Variants in DISP1 observed in about 807,000 individuals in gnomAD.
The protein encoded by DISP1 is protein dispatched homolog 1.
Under a neutral mutation model 37.3 loss-of-function variants are expected in DISP1, and 30 were observed. The observed-to-expected ratio is 0.80, with a 90% CI of 0.60 to 1.09. DISP1 has a LOEUF of 1.09. Ranked by LOEUF, DISP1 falls within the 50% of genes least tolerant of loss-of-function variation. The probability of loss-of-function intolerance (pLI) is 0.00; values close to 1 mark genes in which losing one functional copy is unlikely to be tolerated. For synonymous variants in DISP1, 634 were observed against 690.2 expected, an observed-to-expected ratio of 0.92 and a Z score of 1.28; for missense variants, 1,598 against 1,879.5, an observed-to-expected ratio of 0.85 and a Z score of 2.77.
At chr1:222,963,864 C>G (rs113674423) in intron 3 of DISP1, among the ~76,000 whole-genome samples, 2,447 of 152,028 alleles carry the variant, frequency 0.016, 78 homozygotes, top group African/African-American at 0.055. Context: ...GCACATTCTG[C>G]ACATGTATCC....
chr1:222,897,189 T>C (rs1671311426), intron 1 of DISP1, among the ~76,000 whole-genome samples: 1 of 152,216 alleles, frequency 6.6e-6, no homozygotes, highest in African/African-American at 2.4e-5. Flanking sequence ...GGATGAATCT[T>C]ATAGATATCT....
intron 3 of DISP1, among the ~76,000 whole-genome samples, chr1:222,981,145 A>T (rs1394836656): frequency 6.6e-6 from 1 of 152,274 alleles, no homozygotes; most frequent in Non-Finnish European, 1.5e-5. Flanking sequence ...CACATCTGCC[A>T]AAAGAAAAGA....
chr1:222,918,956 T>C (rs1387737156), intron 1 of DISP1, among the ~76,000 whole-genome samples: 29 of 152,208 alleles, frequency 1.9e-4, no homozygotes, highest in Non-Finnish European at 2.9e-5. Flanking sequence ...GAGGGTATGC[T>C]TGTGTTTTTA....
Position 223,005,867 on chromosome 1 carries a change from G to C in DISP1, c.4470G>C (p.Lys1490Asn). Residue 1490 changes from lysine (K) to asparagine (N), a missense_variant, in exon 9 of 9, where the codon AAG becomes AAC. Transcript: ENST00000675850. ...GTTGTGGCAGAATTGTGAGAGTGAA[G>C]TGCAATTCTGTGGACTGTCAAATGC... The part of the protein sequence containing the change: ...SQSCGRIVRV[K>N]CNSVDCQMPN... 6.2e-7 allele frequency: 1 copy of C among 1,614,206 alleles called. No homozygotes were observed. The highest frequency in any genetic ancestry group is 8.5e-7 in the Non-Finnish European group (1 of 1,180,042).
At chr1:222,933,224 T>C (rs1209767980) in intron 2 of DISP1, among the ~76,000 whole-genome samples, 1 of 151,950 alleles carries the variant, frequency 6.6e-6, no homozygotes, top group Non-Finnish European at 1.5e-5. Context: ...ATCTGGAAAC[T>C]TTAATTTTTC....
chr1:222,830,195 A>C (rs1450788814), intron 1 of DISP1, among the ~76,000 whole-genome samples: 1 of 152,194 alleles, frequency 6.6e-6, no homozygotes, highest in Non-Finnish European at 1.5e-5. Flanking sequence ...ACATAACTTG[A>C]CCATGAAATC....
intron 1 of DISP1, among the ~76,000 whole-genome samples, chr1:222,857,267 T>C (rs766817269): frequency 1.3e-5 from 2 of 151,132 alleles, no homozygotes; most frequent in Non-Finnish European, 2.9e-5. Context: ...ACTACATATC[T>C]AAAAAAAAGA....
At chr1:222,879,946 TTA>T (rs1211979250) in intron 1 of DISP1, among the ~76,000 whole-genome samples, 1 of 152,048 alleles carries the variant, frequency 6.6e-6, no homozygotes, top group Non-Finnish European at 1.5e-5. Flanking sequence ...AGAAAAAACT[TTA>T]TGTTTGAAAA....
At chr1:222,952,797 A>G (rs1191743278) in intron 3 of DISP1, among the ~76,000 whole-genome samples, 3 of 152,182 alleles carry the variant, frequency 2.0e-5, no homozygotes, top group Admixed American at 2.0e-4. Flanking sequence ...CAGTGAGCCG[A>G]GATCGCGCCA....
chr1:222,902,624 T>C (rs1671660672), intron 1 of DISP1, among the ~76,000 whole-genome samples: 2 of 151,736 alleles, frequency 1.3e-5, no homozygotes, highest in African/African-American at 4.8e-5. Context: ...AACAACCCCA[T>C]AAAAAAGTGG....
At chr1:222,973,786 C>T (rs1677121671) in intron 3 of DISP1, among the ~76,000 whole-genome samples, 1 of 152,202 alleles carries the variant, frequency 6.6e-6, no homozygotes, top group Non-Finnish European at 1.5e-5. Flanking sequence ...ACAAGCAATA[C>T]CTCATAGCCT....
intron 8 of DISP1, among the ~76,000 whole-genome samples, chr1:222,997,340 G>C (rs112708881): frequency 0.027 from 4,053 of 152,220 alleles, 95 homozygotes; most frequent in South Asian, 0.11. Context: ...AGTAACAAAA[G>C]TCATATAAAT....
intron 1 of DISP1, among the ~76,000 whole-genome samples, chr1:222,875,949 T>C (rs549908658): frequency 6.6e-6 from 1 of 151,026 alleles, no homozygotes; most frequent in Non-Finnish European, 1.5e-5. Context: ...TATTTTAAGA[T>C]ATGTACCTGA....
intron 1 of DISP1, among the ~76,000 whole-genome samples, chr1:222,825,353 C>A (rs1458347666): frequency 6.6e-6 from 1 of 151,866 alleles, no homozygotes; most frequent in South Asian, 2.1e-4. Context: ...ATGTTGTATA[C>A]CATAAATATA....
intron 8 of DISP1, among the ~76,000 whole-genome samples, chr1:223,001,720 C>A (rs991517777): frequency 6.6e-6 from 1 of 152,176 alleles, no homozygotes; most frequent in African/African-American, 2.4e-5. Flanking sequence ...AAAAGCACTA[C>A]TCCCATTCAT....
At chr1:222,875,334 T>A (rs1244941212) in intron 1 of DISP1, among the ~76,000 whole-genome samples, 1 of 152,048 alleles carries the variant, frequency 6.6e-6, no homozygotes, top group Non-Finnish European at 1.5e-5. Context: ...TAAACAAAAA[T>A]TTTTAAATAT....
intron 3 of DISP1, among the ~76,000 whole-genome samples, chr1:222,969,827 T>C (rs991847064): frequency 1.5e-4 from 23 of 152,154 alleles, no homozygotes; most frequent in Admixed American, 2.6e-4. Flanking sequence ...TGTAATTTTC[T>C]GCATTTTCTT....
At chr1:222,939,388 G>A (rs548591095) in intron 2 of DISP1, among the ~76,000 whole-genome samples, 51 of 131,140 alleles carry the variant, frequency 3.9e-4, no homozygotes, top group African/African-American at 1.4e-3. Flanking sequence ...TTTTTACTGA[G>A]GATAAGCAGA....
chr1:222,998,645 G>A (rs183469075), intron 8 of DISP1, among the ~76,000 whole-genome samples: 68 of 152,148 alleles, frequency 4.5e-4, no homozygotes, highest in Non-Finnish European at 7.4e-4. Context: ...CATCCTAAGG[G>A]ACACACTGGT....
Sources: gnomAD v4.1 joint callset for allele counts (sites outside exome capture counted in the v4.1 genomes callset) on GRCh38, gnomAD v4.1.1 for gene constraint, MANE v1.5 for transcripts, NCBI Gene and HGNC (gene_info 2026-07-23, HGNC 2026-07-21) for gene names.